FSTL5: variants seen among roughly 807,000 people sequenced by gnomAD.
The protein encoded by FSTL5 is follistatin like 5.
A neutral mutation model predicts 89.1 loss-of-function variants in FSTL5; 62 were observed. That is an observed-to-expected ratio of 0.70 (90% CI 0.57 to 0.86). The LOEUF is 0.86. Ranked by LOEUF, FSTL5 falls within the 40% of genes least tolerant of loss-of-function variation. FSTL5 has a pLI of 0.00. For synonymous variants in FSTL5, 383 were observed against 346.2 expected (o/e 1.11, Z -1.18); for missense variants, 1,057 against 1,001.6 (o/e 1.06, Z -0.75).
intron 3 of FSTL5, among the ~76,000 whole-genome samples, chr4:161,996,087 T>C (rs112633955): frequency 0.055 from 8,385 of 152,300 alleles, 269 homozygotes; most frequent in Non-Finnish European, 0.077. Context: ...TAGGAAAAGA[T>C]AGCTTTTGTT....
At chr4:161,492,466 T>A (rs1441063463) in intron 12 of FSTL5, among the ~76,000 whole-genome samples, 1 of 152,182 alleles carries the variant, frequency 6.6e-6, no homozygotes, top group Non-Finnish European at 1.5e-5. Flanking sequence ...TCTGTTAACA[T>A]GTATATATGC....
intron 12 of FSTL5, among the ~76,000 whole-genome samples, chr4:161,499,685 T>A (rs919231942): frequency 6.6e-6 from 1 of 152,140 alleles, no homozygotes; most frequent in African/African-American, 2.4e-5. Flanking sequence ...TTTTCTTAAA[T>A]ATAACCTACA....
At chr4:162,057,361 C>A (rs1738579582) in intron 2 of FSTL5, among the ~76,000 whole-genome samples, 1 of 152,096 alleles carries the variant, frequency 6.6e-6, no homozygotes, top group Non-Finnish European at 1.5e-5. Flanking sequence ...AAATGAAAAT[C>A]CCCTGAGCTA....
intron 4 of FSTL5, among the ~76,000 whole-genome samples, chr4:161,839,988 A>G (rs573639653): frequency 6.6e-6 from 1 of 152,352 alleles, no homozygotes; most frequent in African/African-American, 2.4e-5. Flanking sequence ...ATAGACGGTT[A>G]AAAATGTTTT....
At chr4:161,394,501 C>T (rs1730934976) in intron 15 of FSTL5, among the ~76,000 whole-genome samples, 1 of 152,006 alleles carries the variant, frequency 6.6e-6, no homozygotes, top group Non-Finnish European at 1.5e-5. Flanking sequence ...GGTCTAGATC[C>T]CCTGACCTCG....
At chr4:161,636,712 G>C (rs1199384687) in intron 7 of FSTL5, among the ~76,000 whole-genome samples, 2 of 147,888 alleles carry the variant, frequency 1.4e-5, no homozygotes, top group East Asian at 4.0e-4. Flanking sequence ...AATATGCCGT[G>C]TTTGGTTTTT....
At chr4:161,857,278 G>A (rs774248086) in intron 4 of FSTL5, among the ~76,000 whole-genome samples, 4 of 152,148 alleles carry the variant, frequency 2.6e-5, no homozygotes, top group Non-Finnish European at 5.9e-5. Context: ...TAAAGGTGTT[G>A]ACTAATGTAT....
At chr4:161,529,820 A>G (rs1002746312) in intron 10 of FSTL5, among the ~76,000 whole-genome samples, 1 of 142,534 alleles carries the variant, frequency 7.0e-6, no homozygotes, top group African/African-American at 2.5e-5. Flanking sequence ...TTATTATTCT[A>G]TCTATCTCAC....
At chr4:162,015,427 T>A (rs140934460) in intron 3 of FSTL5, among the ~76,000 whole-genome samples, 4 of 152,182 alleles carry the variant, frequency 2.6e-5, no homozygotes, top group African/African-American at 9.6e-5. Context: ...ATTTTCAAAA[T>A]AGTTTCTGGA....
chr4:161,739,241 A>C (rs868322935), intron 6 of FSTL5, among the ~76,000 whole-genome samples: 1 of 152,200 alleles, frequency 6.6e-6, no homozygotes, highest in Non-Finnish European at 1.5e-5. Flanking sequence ...TTCCTAATAA[A>C]AACGGGAAAT....
chr4:162,019,744 CTCTCTCTCTT>C (rs1737016556), intron 3 of FSTL5, among the ~76,000 whole-genome samples: 1 of 146,802 alleles, frequency 6.8e-6, no homozygotes, highest in South Asian at 2.2e-4. Context: ...GGTTCTCTCT[CTCTCTCTCTT>C]TCTCTCTCTC....
chr4:161,930,534 A>G (rs1734257369), intron 3 of FSTL5, among the ~76,000 whole-genome samples: 1 of 151,742 alleles, frequency 6.6e-6, no homozygotes, highest in African/African-American at 2.4e-5. Context: ...GATTACACCA[A>G]TGTTAGTAGC....
chr4:161,627,027 T>G (rs1475081847), intron 7 of FSTL5, among the ~76,000 whole-genome samples: 3 of 152,192 alleles, frequency 2.0e-5, no homozygotes, highest in Non-Finnish European at 4.4e-5. Context: ...ATGAAAATTG[T>G]TTAAATGACA....
At chr4:161,420,874 G>A (rs1731964926) in intron 15 of FSTL5, among the ~76,000 whole-genome samples, 1 of 149,950 alleles carries the variant, frequency 6.7e-6, no homozygotes, top group Admixed American at 6.7e-5. Flanking sequence ...TATGTGTATG[G>A]TATTAAATAT....
chr4:161,894,597 G>C (rs926763935), intron 4 of FSTL5, among the ~76,000 whole-genome samples: 3 of 152,166 alleles, frequency 2.0e-5, no homozygotes, highest in African/African-American at 7.2e-5. Flanking sequence ...TTCTGCTTCA[G>C]CCTCTCCTGT....
chr4:161,616,743 G>A (rs1280975759), intron 7 of FSTL5, among the ~76,000 whole-genome samples: 1 of 151,884 alleles, frequency 6.6e-6, no homozygotes, highest in African/African-American at 2.4e-5. Context: ...GGATAAATAG[G>A]TGGCATGCAG....
At chr4:161,843,568 A>T (rs1731276380) in intron 4 of FSTL5, among the ~76,000 whole-genome samples, 1 of 152,126 alleles carries the variant, frequency 6.6e-6, no homozygotes, top group Admixed American at 6.6e-5. Flanking sequence ...AGTAACCAAA[A>T]CAGCATGGTA....
chr4:161,750,434 GATA>G (rs905616996), intron 6 of FSTL5, among the ~76,000 whole-genome samples: 3 of 152,108 alleles, frequency 2.0e-5, no homozygotes, highest in Admixed American at 1.3e-4. Flanking sequence ...ATATTGGTAT[GATA>G]ATAATATTTT....
chr4:162,055,420 C>T (rs1423309690), intron 2 of FSTL5, among the ~76,000 whole-genome samples: 1 of 151,244 alleles, frequency 6.6e-6, no homozygotes, highest in African/African-American at 2.4e-5. Context: ...TGTAATATCT[C>T]TGTGAAAATA....
Sources: gnomAD v4.1 joint callset for allele counts (sites outside exome capture counted in the v4.1 genomes callset) on GRCh38, gnomAD v4.1.1 for gene constraint, MANE v1.5 for transcripts, NCBI Gene and HGNC (gene_info 2026-07-23, HGNC 2026-07-21) for gene names.